ADAMTS9: variants seen among roughly 807,000 people sequenced by gnomAD.
ADAMTS9 encodes A disintegrin and metalloproteinase with thrombospondin motifs 9.
Under a neutral mutation model 257.1 loss-of-function variants are expected in ADAMTS9, and 107 were observed. That is an observed-to-expected ratio of 0.42 (90% confidence interval 0.36 to 0.49). ADAMTS9 has a LOEUF of 0.49. Among genes scored for constraint, ADAMTS9 ranks in the 20% least tolerant of loss-of-function variants. The pLI is 0.03. For missense variants in ADAMTS9, 2,353 were observed against 2,469.1 expected (o/e 0.95, Z 1.00); for synonymous variants, 982 against 880.9 (o/e 1.11, Z -2.03).
At chr3:64,628,844 C>T (rs1233783296) in intron 16 of ADAMTS9, among the ~76,000 whole-genome samples, 1 of 152,140 alleles carries the variant, frequency 6.6e-6, no homozygotes, top group Non-Finnish European at 1.5e-5. Flanking sequence ...CTGCTTTGTA[C>T]CAATCATATG....
chr3:64,565,001 T>C (rs2083507005), intron 29 of ADAMTS9, among the ~76,000 whole-genome samples: 1 of 152,204 alleles, frequency 6.6e-6, no homozygotes, highest in African/African-American at 2.4e-5. Flanking sequence ...GGTGCTAATA[T>C]GATGCAGTCT....
At chr3:64,644,889 C>T (rs1159403617) in intron 11 of ADAMTS9, among the ~76,000 whole-genome samples, 1 of 152,162 alleles carries the variant, frequency 6.6e-6, no homozygotes, top group Admixed American at 6.5e-5. Flanking sequence ...TCTAGCACTG[C>T]ACTCAAATGT....
At chr3:64,535,666 A>G (rs759513476) in intron 37 of ADAMTS9, among the ~76,000 whole-genome samples, 3 of 148,038 alleles carry the variant, frequency 2.0e-5, no homozygotes, top group Non-Finnish European at 4.5e-5. Flanking sequence ...TGATTCTCCT[A>G]CCTCAGCCTT....
intron 28 of ADAMTS9, among the ~76,000 whole-genome samples, chr3:64,581,409 C>T (rs1576070241): frequency 6.6e-6 from 1 of 151,988 alleles, no homozygotes; most frequent in Non-Finnish European, 1.5e-5. Flanking sequence ...TATTTAGAGA[C>T]CAGGTTGTGA....
In ADAMTS9 at chr3:64,650,297, G is replaced by A. The variant is rs552271021; in HGVS notation, c.1464-519C>T. ...CACCTCTCCCGGAAAATTCACACCC[G>A]TTGAGTTCTGATTGATAAAGCCTCC... On this transcript the variant is annotated intron_variant, in intron 9 of 39. Transcript: ENST00000498707. 195 of 152,758 alleles carry A rather than the reference G, an allele frequency of 1.3e-3. 2 individuals are homozygous for A. The highest frequency in any genetic ancestry group is 1.4e-3 in the Admixed American group (22 of 15,304). 9.5% of individuals were successfully genotyped at this position (152,758 alleles called of 1,614,324 possible).
At position 64,648,045 on chromosome 3, in the gene ADAMTS9, C is replaced by T. The variant is rs776951735; in HGVS notation, c.1606-1G>A. ...TGCACCAGAGCCGTCTGCACTGCAT[C>T]TGCTCAATTCAATGAAATGGCAATT... is the stretch of plus-strand genomic sequence containing the variant. On this transcript the variant is annotated splice_acceptor_variant, in intron 10 of 39. Transcript: ENST00000498707. LOFTEE classifies it high-confidence loss of function. 3 of 1,606,482 alleles carry T rather than the reference C, an allele frequency of 1.9e-6. No individual in the cohort carries two copies. The highest frequency in any genetic ancestry group is 2.2e-5 in the South Asian group (2 of 89,864).
At chr3:64,597,106 C>T (rs989561112) in intron 26 of ADAMTS9, 115 bp from the exon 27 acceptor site, 28 of 1,398,592 alleles carry the variant, frequency 2.0e-5, no homozygotes, top group African/African-American at 1.0e-4. Context: ...AAGTCATCCA[C>T]GAAGGACAAA....
chr3:64,608,620 A>G (rs1576112640), intron 22 of ADAMTS9, among the ~76,000 whole-genome samples: 1 of 152,294 alleles, frequency 6.6e-6, no homozygotes, highest in East Asian at 1.9e-4. Context: ...CGGACATATA[A>G]GAAGTAAAAT....
At chr3:64,534,545 G>A (rs1431844113) in intron 37 of ADAMTS9, among the ~76,000 whole-genome samples, 1 of 152,092 alleles carries the variant, frequency 6.6e-6, no homozygotes, top group Non-Finnish European at 1.5e-5. Context: ...TTATATCCCA[G>A]CTCCTCAATT....
intron 14 of ADAMTS9, among the ~76,000 whole-genome samples, chr3:64,633,233 AC>A (rs1443376612): frequency 6.6e-6 from 1 of 152,002 alleles, no homozygotes; most frequent in Non-Finnish European, 1.5e-5. Context: ...TTTGTGCAAG[AC>A]CCCCACAGAG....
chr3:64,582,611 C>T (rs13089034), intron 28 of ADAMTS9: 25,424 of 152,102 alleles, frequency 0.17, 2,722 homozygotes, highest in Non-Finnish European at 0.23. Flanking sequence ...CATTTGGCAA[C>T]GTCTGAAGAT....
chr3:64,604,403 G>A (rs1416817283), intron 23 of ADAMTS9, 72 bp from the exon 24 acceptor site: 3 of 1,103,242 alleles, frequency 2.7e-6, no homozygotes, highest in Non-Finnish European at 3.9e-6. Context: ...TGGTCATGGT[G>A]GATAAAAATG....
chr3:64,547,512 AT>A (rs58728148), intron 31 of ADAMTS9, among the ~76,000 whole-genome samples: 9,463 of 121,900 alleles, frequency 0.078, 879 homozygotes, highest in Admixed American at 0.3. Context: ...CTGGCTATAG[AT>A]TTTTTTTTTT....
chr3:64,539,079 G>T, intron 37 of ADAMTS9, 124 bp downstream of exon 37: 2 of 905,554 alleles, frequency 2.2e-6, no homozygotes, highest in Non-Finnish European at 3.5e-6. Flanking sequence ...CTTGATACAT[G>T]TGGCCAAACT....
intron 39 of ADAMTS9, among the ~76,000 whole-genome samples, chr3:64,521,007 A>G (rs1188405833): frequency 1.3e-5 from 2 of 152,170 alleles, no homozygotes; most frequent in Non-Finnish European, 2.9e-5. Flanking sequence ...GAATAAATGG[A>G]CAATCTACAG....
intron 39 of ADAMTS9, among the ~76,000 whole-genome samples, chr3:64,520,648 A>T (rs759174818): frequency 1.3e-5 from 2 of 152,208 alleles, no homozygotes; most frequent in African/African-American, 2.4e-5. Flanking sequence ...AAAGCTATAC[A>T]TCTATAACCA....
In ADAMTS9 at chr3:64,541,165, C is replaced by T. The variant is rs776361810; in HGVS notation, c.5451G>A (p.Lys1817=). 3.1e-6 allele frequency: 5 copies of T among 1,614,208 alleles called. No homozygotes were observed. The East Asian group carries it at 8.9e-5, about 29-fold the overall frequency. The change falls in exon 36 of 40, where the codon AAG becomes AAA. Residue 1817 remains lysine, a synonymous_variant. Transcript: ENST00000498707. ...GSRRDDCQCR[K]DYTAAGFSSF... Reference sequence around the variant, plus strand: ...TGGAAAACCCAGCGGCCGTGTAATCCTTCCGACATTGGCAGTCATCGCGCC... The same window carrying T: ...TGGAAAACCCAGCGGCCGTGTAATCTTTCCGACATTGGCAGTCATCGCGCC...
chr3:64,631,700 A>C, intron 15 of ADAMTS9, 108 bp downstream of exon 15: 2 of 1,217,870 alleles, frequency 1.6e-6, no homozygotes, highest in Non-Finnish European at 1.2e-6. Context: ...CACCATAACG[A>C]GACTGATTTT....
At chr3:64,619,100 A>G (rs2106854694) in intron 19 of ADAMTS9, among the ~76,000 whole-genome samples, 1 of 152,262 alleles carries the variant, frequency 6.6e-6, no homozygotes, top group African/African-American at 2.4e-5. Context: ...AGAATTATTT[A>G]TTTTTTAGAT....
Sources: gnomAD v4.1 joint callset for allele counts (sites outside exome capture counted in the v4.1 genomes callset) on GRCh38, gnomAD v4.1.1 for gene constraint, MANE v1.5 for transcripts, NCBI Gene and HGNC (gene_info 2026-07-23, HGNC 2026-07-21) for gene names.